SIN3A: variants seen among roughly 807,000 people sequenced by gnomAD.
SIN3A encodes the protein paired amphipathic helix protein Sin3a.
In SIN3A, 14 loss-of-function variants were observed where a neutral mutation model predicts 146.1. The ratio of observed to expected loss-of-function variants is 0.10; its 90% confidence interval spans 0.06 to 0.15. The LOEUF (loss-of-function observed/expected upper bound fraction) is 0.15. SIN3A is among the 10% of genes least tolerant of loss of function. The pLI, the probability that SIN3A is intolerant of heterozygous loss-of-function variation, is 1.00. For synonymous variants in SIN3A, 572 were observed against 572.0 expected, an observed-to-expected ratio of 1.00 and a Z score of 0.00; for missense variants, 1,028 against 1,576.0, an observed-to-expected ratio of 0.65 and a Z score of 5.89.
At chr15:75,395,381 A>G (rs1332221325) in intron 13 of SIN3A, among the ~76,000 whole-genome samples, 1 of 152,258 alleles carries the variant, frequency 6.6e-6, no homozygotes, top group Non-Finnish European at 1.5e-5. Context: ...GCCAGAAGTT[A>G]AATGCTACAG....
At chr15:75,406,555 T>G (rs2073519704) in intron 9 of SIN3A, among the ~76,000 whole-genome samples, 1 of 151,906 alleles carries the variant, frequency 6.6e-6, no homozygotes, top group Non-Finnish European at 1.5e-5. Context: ...GGCGAGGTGG[T>G]GGGCGCCTGT....
intron 3 of SIN3A, among the ~76,000 whole-genome samples, chr15:75,416,547 AACTCCTGACC>A (rs1235513705): frequency 5.9e-5 from 9 of 152,106 alleles, no homozygotes; most frequent in Admixed American, 2.6e-4. Flanking sequence ...GCTGGTCTCA[AACTCCTGACC>A]ACAAGTGATC....
At chr15:75,397,118 G>A (rs1470029081) in intron 12 of SIN3A, among the ~76,000 whole-genome samples, 2 of 152,048 alleles carry the variant, frequency 1.3e-5, no homozygotes, top group Non-Finnish European at 2.9e-5. Context: ...AATTCTTATT[G>A]GACTCCTGGC....
At chr15:75,432,473 G>C (rs2074028574) in intron 1 of SIN3A, among the ~76,000 whole-genome samples, 1 of 150,632 alleles carries the variant, frequency 6.6e-6, no homozygotes. Context: ...GATCACCTAA[G>C]GTCGGGAGTT....
intron 9 of SIN3A, among the ~76,000 whole-genome samples, chr15:75,402,748 C>A (rs1164896781): frequency 6.6e-6 from 1 of 152,086 alleles, no homozygotes; most frequent in Non-Finnish European, 1.5e-5. Flanking sequence ...AATTCTCCTG[C>A]CTCAGCCTCC....
At chr15:75,379,201 TA>T (rs1369361287) in intron 19 of SIN3A, among the ~76,000 whole-genome samples, 3 of 152,172 alleles carry the variant, frequency 2.0e-5, no homozygotes, top group African/African-American at 7.2e-5. Context: ...CCCAGCCCAA[TA>T]TTGTTATTTT....
At chr15:75,389,594 C>T (rs2073159298) in intron 16 of SIN3A, 58 bp downstream of exon 16, 1 of 1,560,782 alleles carries the variant, frequency 6.4e-7, no homozygotes, top group Non-Finnish European at 8.8e-7. Flanking sequence ...CCTTGCGTGG[C>T]CCATCTCTAG....
rs577182786 is a variant in SIN3A at position 75,408,000 on chromosome 15, T to C, written c.1318-856A>G. ...ACCAACAGGCCATGATATAATCCTG[T>C]CAGGCAAGAAGTTACTTTTAAAATC... On this transcript the variant is annotated intron_variant, in intron 8 of 20. Coordinates refer to ENST00000394947, the MANE Select transcript of SIN3A (RefSeq NM_001145358.2). Among the ~76,000 whole-genome samples the C allele has an allele frequency of 3.2e-4, 49 of 151,292 alleles. 2 individuals carry two copies. The South Asian group carries it at 9.9e-3, about 30-fold the overall frequency.
At chr15:75,413,529 G>C (rs970855695) in intron 4 of SIN3A, among the ~76,000 whole-genome samples, 2 of 149,440 alleles carry the variant, frequency 1.3e-5, no homozygotes, top group Non-Finnish European at 3.0e-5. Context: ...TAGACTCAAA[G>C]ATACTTGGCC....
At chr15:75,445,062 TTAATA>T (rs1485170882) in intron 1 of SIN3A, among the ~76,000 whole-genome samples, 4 of 151,072 alleles carry the variant, frequency 2.6e-5, no homozygotes, top group African/African-American at 9.7e-5. Flanking sequence ...CTATCTCTAT[TTAATA>T]TAAGAAATAT....
At chr15:75,423,318 T>C (rs2073870440) in intron 2 of SIN3A, among the ~76,000 whole-genome samples, 1 of 152,046 alleles carries the variant, frequency 6.6e-6, no homozygotes, top group South Asian at 2.1e-4. Flanking sequence ...ACCCAAATTT[T>C]CCACAAAAGG....
intron 12 of SIN3A, among the ~76,000 whole-genome samples, chr15:75,399,276 C>T (rs1311155024): frequency 6.6e-6 from 1 of 151,980 alleles, no homozygotes; most frequent in African/African-American, 2.4e-5. Flanking sequence ...CACCTGTAAT[C>T]CTAGCACTTT....
intron 1 of SIN3A, among the ~76,000 whole-genome samples, chr15:75,438,458 A>C (rs1267056202): frequency 1.3e-5 from 2 of 152,072 alleles, no homozygotes; most frequent in African/African-American, 4.8e-5. Flanking sequence ...CCGTGGTGGG[A>C]GGATTGCTTG....
intron 1 of SIN3A, among the ~76,000 whole-genome samples, chr15:75,433,720 G>A (rs2141584322): frequency 6.6e-6 from 1 of 152,210 alleles, no homozygotes; most frequent in Non-Finnish European, 1.5e-5. Flanking sequence ...TGAGGCAGGA[G>A]AATGGCGTGG....
chr15:75,372,227 A>T lies in SIN3A; in HGVS notation c.3592-18T>A, dbSNP rs776771990. On this transcript the variant is annotated intron_variant, in intron 20 of 20. Transcript: ENST00000394947. ...TCATGGGACTGCAAAACAGAAAAAA[A>T]AAATTTTATTAAATGAAGCAGAACC... The T allele has an allele frequency of 3.3e-6, 5 of 1,521,992 alleles. No individual in the cohort carries two copies. The highest frequency in any genetic ancestry group is 4.4e-6 in the Non-Finnish European group (5 of 1,129,158). The allele number at this position is 1,521,992 out of a possible 1,614,324, so 94.3% of individuals were successfully genotyped here. A position where few individuals can be genotyped will look rare whatever the true frequency, so the allele number is the denominator to read the frequency against.
At chr15:75,421,414 T>C (rs1032439053) in intron 3 of SIN3A, 24 of 152,224 alleles carry the variant, frequency 1.6e-4, no homozygotes, top group African/African-American at 5.8e-4. Flanking sequence ...TAGTCAATAC[T>C]ATGTAAGCCA....
chr15:75,416,221 T>A (rs530199652), intron 3 of SIN3A, among the ~76,000 whole-genome samples: 21 of 152,344 alleles, frequency 1.4e-4, no homozygotes, highest in African/African-American at 5.1e-4. Flanking sequence ...GGATCACAGG[T>A]CACTAATAGA....
At chr15:75,388,313 C>T (rs1208577481) in intron 16 of SIN3A, 2 of 153,362 alleles carry the variant, frequency 1.3e-5, no homozygotes, top group Non-Finnish European at 2.9e-5. Context: ...TCGCAGTGGC[C>T]CATGGCCACG....
intron 6 of SIN3A, among the ~76,000 whole-genome samples, chr15:75,410,833 T>C (rs1003970908): frequency 5.6e-5 from 8 of 143,004 alleles, no homozygotes; most frequent in African/African-American, 1.8e-4. Context: ...GTGGATCACC[T>C]GAGACCAGCC....
Sources: gnomAD v4.1 joint callset for allele counts (sites outside exome capture counted in the v4.1 genomes callset) on GRCh38, gnomAD v4.1.1 for gene constraint, MANE v1.5 for transcripts, NCBI Gene and HGNC (gene_info 2026-07-23, HGNC 2026-07-21) for gene names.